Variants in MMP16 observed in about 807,000 individuals in gnomAD.
The protein encoded by MMP16 is matrix metallopeptidase 16, also known as matrix metalloproteinase-16.
In MMP16, 12 loss-of-function variants were observed where a neutral mutation model predicts 67.8. The ratio of observed to expected loss-of-function variants is 0.18; its 90% CI spans 0.11 to 0.29. The LOEUF (loss-of-function observed/expected upper bound fraction) is 0.29. Among genes scored for constraint, MMP16 ranks in the 10% least tolerant of loss-of-function variants. MMP16 has a pLI of 1.00. For synonymous variants in MMP16, 249 were observed against 255.9 expected (o/e 0.97, Z 0.26); for missense variants, 475 against 765.7 (o/e 0.62, Z 4.48).
intron 3 of MMP16, among the ~76,000 whole-genome samples, chr8:88,183,765 G>C (rs1366416852): frequency 3.8e-5 from 5 of 133,002 alleles, no homozygotes; most frequent in Admixed American, 8.6e-5. Flanking sequence ...ATCCAGGCTG[G>C]AGTGCAATGG....
In MMP16 at chr8:88,243,698, G is replaced by A. The variant is rs554225912; in HGVS notation, c.133-46392C>T. Among the ~76,000 whole-genome samples, 3 of 152,248 alleles carry A rather than the reference G, an allele frequency of 2.0e-5. No individual in the cohort carries two copies. The East Asian group carries it at 5.8e-4, about 29-fold the overall frequency. On this transcript the variant is annotated intron_variant, in intron 1 of 9. Transcript: ENST00000286614. The stretch of plus-strand genomic sequence containing the variant: ...TTTTTTACGTTAATCGTTGGAAGAA[G>A]GCCCAAATCCTTCAGTGGAGCTCAG...
rs1811432143 is a variant in MMP16, at chr8:88,319,872, G to T, written c.132+7203C>A. On this transcript the variant is annotated intron_variant, in intron 1 of 9. Transcript: ENST00000286614. ...GGTCATTTGAATACATCACTCTAAG[G>T]ACTATCTCTCTTGAGAACATTTATC... Among the ~76,000 whole-genome samples, 3 of 152,050 alleles carry T rather than the reference G, an allele frequency of 2.0e-5. No individual in the cohort carries two copies. The South Asian group carries it at 6.2e-4, about 31-fold the overall frequency.
intron 7 of MMP16, among the ~76,000 whole-genome samples, chr8:88,060,960 A>G (rs1256483576): frequency 6.6e-6 from 1 of 152,032 alleles, no homozygotes; most frequent in African/African-American, 2.4e-5. Context: ...TTAGTACAGC[A>G]AGAAAGAAAA....
chr8:88,078,131 C>A (rs1808681530), intron 6 of MMP16, among the ~76,000 whole-genome samples: 1 of 152,014 alleles, frequency 6.6e-6, no homozygotes, highest in Non-Finnish European at 1.5e-5. Context: ...CTCCTTCTCC[C>A]TCTCTTTCTT....
At chr8:88,067,014 T>TA (rs1321270830) in intron 7 of MMP16, among the ~76,000 whole-genome samples, 6 of 152,104 alleles carry the variant, frequency 3.9e-5, no homozygotes. Flanking sequence ...GAATACTTTA[T>TA]AATCATTATA....
intron 1 of MMP16, among the ~76,000 whole-genome samples, chr8:88,326,489 T>C (rs894681250): frequency 6.6e-6 from 1 of 151,956 alleles, no homozygotes; most frequent in African/African-American, 2.4e-5. Flanking sequence ...TAAAAAGAGA[T>C]GGATTTCATG....
At chr8:88,042,098 C>A (rs143770112) in intron 9 of MMP16, among the ~76,000 whole-genome samples, 138 of 152,208 alleles carry the variant, frequency 9.1e-4, no homozygotes, top group Non-Finnish European at 1.5e-3. Context: ...GAAAAGAGAA[C>A]CTTATCTTTT....
intron 1 of MMP16, among the ~76,000 whole-genome samples, chr8:88,242,204 C>G (rs919157390): frequency 9.2e-5 from 14 of 152,258 alleles, no homozygotes; most frequent in East Asian, 7.7e-4. Flanking sequence ...TTATTTTCCT[C>G]CCTTAATGGA....
At chr8:88,214,640 A>C (rs1230729044) in intron 1 of MMP16, among the ~76,000 whole-genome samples, 1 of 152,232 alleles carries the variant, frequency 6.6e-6, no homozygotes, top group East Asian at 1.9e-4. Flanking sequence ...ATTTGTGATG[A>C]GAACATTTAA....
At chr8:88,187,281 T>G (rs1809090110) in intron 2 of MMP16, among the ~76,000 whole-genome samples, 1 of 152,176 alleles carries the variant, frequency 6.6e-6, no homozygotes, top group Non-Finnish European at 1.5e-5. Context: ...GAAAAGGAAA[T>G]GCTGCTTTTA....
chr8:88,177,783 CT>C (rs1220769256), intron 3 of MMP16, among the ~76,000 whole-genome samples: 2 of 152,128 alleles, frequency 1.3e-5, no homozygotes, highest in Non-Finnish European at 2.9e-5. Context: ...GCCTAATAGA[CT>C]TGTCAGAAGG....
intron 7 of MMP16, among the ~76,000 whole-genome samples, chr8:88,063,227 G>A (rs997239018): frequency 2.0e-5 from 3 of 151,942 alleles, no homozygotes; most frequent in Non-Finnish European, 4.4e-5. Context: ...TCTATTCAAT[G>A]GATGGATGAC....
chr8:88,122,885 ATC>A (rs28907626), intron 4 of MMP16, among the ~76,000 whole-genome samples: 5 of 149,214 alleles, frequency 3.4e-5, no homozygotes, highest in African/African-American at 4.9e-5. Flanking sequence ...CTTCCATCTT[ATC>A]TCTCTCTCTC....
chr8:88,266,160 T>C (rs755778452), intron 1 of MMP16, among the ~76,000 whole-genome samples: 2 of 152,156 alleles, frequency 1.3e-5, no homozygotes, highest in Non-Finnish European at 2.9e-5. Flanking sequence ...CAAAAATACA[T>C]GCCTAACACT....
At chr8:88,143,745 CAGAA>C (rs1563544536) in intron 4 of MMP16, among the ~76,000 whole-genome samples, 1 of 151,650 alleles carries the variant, frequency 6.6e-6, no homozygotes, top group South Asian at 2.1e-4. Flanking sequence ...GTTTTTAAGG[CAGAA>C]ATTCATACAG....
chr8:88,107,504 G>A (rs1416676468), intron 6 of MMP16, among the ~76,000 whole-genome samples: 1 of 150,692 alleles, frequency 6.6e-6, no homozygotes, highest in East Asian at 1.9e-4. Flanking sequence ...TTAAGGTTTT[G>A]AATATTTCAT....
intron 4 of MMP16, among the ~76,000 whole-genome samples, chr8:88,154,717 T>G (rs1410611641): frequency 1.2e-4 from 15 of 125,058 alleles, no homozygotes; most frequent in South Asian, 2.7e-4. Context: ...GGGACTGTGG[T>G]GGGGTGGGGG....
chr8:88,209,417 C>T (rs530248037), intron 1 of MMP16, among the ~76,000 whole-genome samples: 3 of 152,238 alleles, frequency 2.0e-5, no homozygotes, highest in African/African-American at 7.2e-5. Flanking sequence ...TGTTAGAATA[C>T]AGTATATAAT....
chr8:88,199,024 T>A (rs1027953596), intron 1 of MMP16, among the ~76,000 whole-genome samples: 2 of 152,058 alleles, frequency 1.3e-5, no homozygotes, highest in Non-Finnish European at 2.9e-5. Flanking sequence ...GAACGTTGTA[T>A]CTTGATTTTT....
Sources: gnomAD v4.1 joint callset for allele counts (sites outside exome capture counted in the v4.1 genomes callset) on GRCh38, gnomAD v4.1.1 for gene constraint, MANE v1.5 for transcripts, NCBI Gene and HGNC (gene_info 2026-07-23, HGNC 2026-07-21) for gene names.